YWHAG: variants seen among roughly 807,000 people sequenced by gnomAD.
The protein encoded by YWHAG is 14-3-3 protein gamma.
A neutral mutation model predicts 23.3 loss-of-function variants in YWHAG; 1 was observed. That is an observed-to-expected ratio of 0.04 (90% CI 0.02 to 0.20). The LOEUF is 0.20. YWHAG is among the 10% of genes least tolerant of loss of function. The pLI is 1.00. For missense variants in YWHAG, 151 were observed against 338.6 expected, an observed-to-expected ratio of 0.45 and a Z score of 4.35; for synonymous variants, 160 against 144.0, an observed-to-expected ratio of 1.11 and a Z score of -0.80.
At chr7:76,353,590 A>G (rs778510664) in intron 1 of YWHAG, among the ~76,000 whole-genome samples, 85 of 152,306 alleles carry the variant, frequency 5.6e-4, no homozygotes, top group Non-Finnish European at 9.6e-4. Context: ...AAAATATCAA[A>G]ATTTTCAAGA....
chr7:76,333,399 A>C (rs916692653), intron 1 of YWHAG, among the ~76,000 whole-genome samples: 4 of 152,240 alleles, frequency 2.6e-5, no homozygotes, highest in African/African-American at 7.2e-5. Context: ...CATTGTGCCC[A>C]GCAAAGTCTT....
chr7:76,342,271 C>T (rs1317620989), intron 1 of YWHAG, among the ~76,000 whole-genome samples: 1 of 152,188 alleles, frequency 6.6e-6, no homozygotes, highest in Non-Finnish European at 1.5e-5. Flanking sequence ...ATGAAGCATT[C>T]GATCCCACCA....
intron 1 of YWHAG, among the ~76,000 whole-genome samples, chr7:76,355,602 T>G (rs1416621152): frequency 6.6e-6 from 1 of 152,020 alleles, no homozygotes; most frequent in African/African-American, 2.4e-5. Context: ...ACTCCATTAG[T>G]GATAATAGCT....
chr7:76,350,231 T>C (rs1803854375), intron 1 of YWHAG, among the ~76,000 whole-genome samples: 1 of 152,218 alleles, frequency 6.6e-6, no homozygotes, highest in African/African-American at 2.4e-5. Context: ...GCATCGAGCC[T>C]ACCCCTGCTT....
In YWHAG at chr7:76,330,247, A is replaced by G; in HGVS notation, c.88-14T>C. On this transcript the variant is annotated splice_polypyrimidine_tract_variant and intron_variant, in intron 1 of 1. Transcript: ENST00000307630. ...CAGCTCTGTCACCTGCCAGGAGGAA[A>G]GAACAGAGTTGTTATGGTACAGATG... 3 of 1,606,802 alleles carry G rather than the reference A, an allele frequency of 1.9e-6. No individual in the cohort carries two copies. Among genetic ancestry groups the G allele is most frequent in the Non-Finnish European group, 1.7e-6 (2 of 1,178,450 alleles).
chr7:76,330,135 G>A lies in YWHAG; in HGVS notation c.186C>T (p.Val62=). The A allele has an allele frequency of 3.1e-6, 5 of 1,613,984 alleles. No homozygotes were observed. Among genetic ancestry groups the A allele is most frequent in the Non-Finnish European group, 2.5e-6 (3 of 1,180,012 alleles). ...ATGTCTTCTGCTCAATGCTACTGAT[G>A]ACCCTCCAGGAAGAGCGGCGTGCCC... ...VVGARRSSWR[V]ISSIEQKTSA... is the part of the protein sequence containing the mutation. The change falls in exon 2 of 2, where the codon GTC becomes GTT. Residue 62 remains valine (V), a synonymous_variant. Coordinates refer to ENST00000307630, the MANE Select transcript of YWHAG (RefSeq NM_012479.4).
intron 1 of YWHAG, among the ~76,000 whole-genome samples, chr7:76,342,322 C>T (rs1803709654): frequency 6.6e-6 from 1 of 152,206 alleles, no homozygotes; most frequent in African/African-American, 2.4e-5. Context: ...ACTAAGAGAA[C>T]TCACTCTGAA....
intron 1 of YWHAG, among the ~76,000 whole-genome samples, chr7:76,336,703 G>A (rs900843291): frequency 4.6e-5 from 7 of 151,174 alleles, no homozygotes; most frequent in South Asian, 2.1e-4. Flanking sequence ...TGATCCACCC[G>A]CCTCGGCCTC....
At chr7:76,343,494 TAACTC>T (rs1171999691) in intron 1 of YWHAG, among the ~76,000 whole-genome samples, 1 of 152,224 alleles carries the variant, frequency 6.6e-6, no homozygotes, top group Non-Finnish European at 1.5e-5. Context: ...GGTGGTACCT[TAACTC>T]AACAGTCACT....
Position 76,330,027 on chromosome 7 carries a change from C to G in YWHAG, c.294G>C (p.Gln98His). 1 of 1,614,198 alleles carries G rather than the reference C, an allele frequency of 6.2e-7. No homozygotes were observed. The highest frequency in any genetic ancestry group is 8.5e-7 in the Non-Finnish European group (1 of 1,180,038). ...AGTTATCCAGCAGGCTCAGCACATC[C>G]TGGCACACAGCCTCCAACTCCTTCT... ...KIEKELEAVC[Q>H]DVLSLLDNYL... Residue 98 changes from glutamine to histidine, a missense_variant, in exon 2 of 2, where the codon CAG (glutamine) becomes CAC (histidine). By Grantham distance (24) the Gln-to-His change is conservative. Transcript: ENST00000307630.
At chr7:76,342,213 T>C (rs1803707039) in intron 1 of YWHAG, among the ~76,000 whole-genome samples, 1 of 151,974 alleles carries the variant, frequency 6.6e-6, no homozygotes, top group Non-Finnish European at 1.5e-5. Context: ...AAAAGAAAGA[T>C]GAAAAAGGAC....
At chr7:76,356,194 C>A (rs985473570) in intron 1 of YWHAG, among the ~76,000 whole-genome samples, 1 of 152,190 alleles carries the variant, frequency 6.6e-6, no homozygotes, top group African/African-American at 2.4e-5. Context: ...AAATTCTCCA[C>A]GATGACTTTT....
In YWHAG at chr7:76,358,784, G is replaced by A; in HGVS notation, c.25C>T (p.Gln9Ter). The A allele has an allele frequency of 6.3e-7, 1 of 1,596,680 alleles. No homozygotes were observed. The highest frequency in any genetic ancestry group is 8.5e-7 in the Non-Finnish European group (1 of 1,172,938). The change falls in exon 1 of 2, where the codon CAG becomes TAG. Residue 9 changes from glutamine (Q) to a stop codon, truncating the protein, a stop_gained. Transcript: ENST00000307630. LOFTEE classifies it high-confidence loss of function. MVDREQLVQKARLAEQAER... is the reference protein window; with the variant it reads MVDREQLV ...GCCTGCTCGGCCAGCCGGGCTTTCT[G>A]CACCAGTTGCTCGCGGTCCACCATC...
chr7:76,346,104 TAC>T (rs1481714884), intron 1 of YWHAG, among the ~76,000 whole-genome samples: 1 of 152,198 alleles, frequency 6.6e-6, no homozygotes, highest in Non-Finnish European at 1.5e-5. Context: ...CCCACAGCCC[TAC>T]ACAGTCGTCA....
rs74321929 is a variant in YWHAG, at chr7:76,347,121, G to A, written c.87+11601C>T. Among the ~76,000 whole-genome samples, 169 of 152,144 alleles carry A rather than the reference G, an allele frequency of 1.1e-3. 5 individuals carry two copies. The East Asian group carries it at 0.027, about 25-fold the overall frequency. On this transcript the variant is annotated intron_variant, in intron 1 of 1. Transcript: ENST00000307630. ...CCCTGACGACCAGTGTCAACTAAGC[G>A]TCCGTCTCCAGTAGCACAGCACCCT...
chr7:76,352,270 C>A (rs916013466), intron 1 of YWHAG, among the ~76,000 whole-genome samples: 1 of 152,190 alleles, frequency 6.6e-6, no homozygotes. Context: ...ATCATCTCTA[C>A]GGCTTCAAAA....
At chr7:76,341,747 G>A (rs1363752968) in intron 1 of YWHAG, among the ~76,000 whole-genome samples, 1 of 152,178 alleles carries the variant, frequency 6.6e-6, no homozygotes, top group African/African-American at 2.4e-5. Flanking sequence ...GAGGGGAGGT[G>A]ATGGGGAATG....
Position 76,358,749 on chromosome 7 carries a change from G to A in YWHAG, c.60C>T (p.Tyr20=). Residue 20 remains tyrosine (Y), a synonymous_variant, in exon 1 of 2, where the codon TAC becomes TAT. Transcript: ENST00000307630. ...TCTTCATGGCCGCGGCCATGTCGTC[G>A]TAGCGCTCCGCCTGCTCGGCCAGCC... ...KARLAEQAER[Y]DDMAAAMKNV... 1 of 1,592,394 alleles carries A rather than the reference G, an allele frequency of 6.3e-7. No homozygotes were observed.
chr7:76,331,696 CT>C (rs200845978), intron 1 of YWHAG, among the ~76,000 whole-genome samples: 2 of 151,800 alleles, frequency 1.3e-5, no homozygotes, highest in Admixed American at 6.6e-5. Flanking sequence ...TACCAGGAGA[CT>C]TTTTTTTCTA....
Sources: allele counts gnomAD v4.1 joint callset (sites outside exome capture counted in the v4.1 genomes callset), GRCh38; gene constraint gnomAD v4.1.1; transcripts MANE v1.5; gene names NCBI Gene and HGNC (gene_info 2026-07-23, HGNC 2026-07-21).